Variants in ROBO2 observed in about 807,000 individuals in gnomAD.
ROBO2 encodes roundabout homolog 2.
In ROBO2, 53 loss-of-function variants were observed where a neutral mutation model predicts 160.8. The observed-to-expected ratio is 0.33, with a 90% CI of 0.26 to 0.41. The LOEUF (loss-of-function observed/expected upper bound fraction) is 0.41, where lower values mean the gene tolerates loss of function less well. Ranked by LOEUF, ROBO2 falls within the 10% of genes least tolerant of loss-of-function variation. ROBO2 has a pLI of 1.00. For missense variants in ROBO2, 1,577 were observed against 1,722.4 expected (o/e 0.92, Z 1.49); for synonymous variants, 664 against 611.7 (o/e 1.09, Z -1.26).
intron 2 of ROBO2, among the ~76,000 whole-genome samples, chr3:76,150,785 T>C (rs1055952570): frequency 2.3e-4 from 35 of 152,216 alleles, no homozygotes; most frequent in African/African-American, 8.2e-4. Context: ...CTCATAATCT[T>C]ATTTTTATAC....
At chr3:76,704,615 T>C (rs2608141) in intron 2 of ROBO2, among the ~76,000 whole-genome samples, 59,189 of 151,920 alleles carry the variant, frequency 0.39, 12,209 homozygotes, top group Non-Finnish European at 0.47. Flanking sequence ...TTTACTTCCT[T>C]TCCATGCTTG....
intron 2 of ROBO2, among the ~76,000 whole-genome samples, chr3:75,981,048 A>T (rs1202686269): frequency 6.6e-6 from 1 of 151,550 alleles, no homozygotes; most frequent in Non-Finnish European, 1.5e-5. Flanking sequence ...AACTAGCTCA[A>T]ATATTAACCA....
intron 2 of ROBO2, among the ~76,000 whole-genome samples, chr3:77,226,795 T>A (rs58963696): frequency 6.6e-6 from 1 of 152,070 alleles, no homozygotes; most frequent in Non-Finnish European, 1.5e-5. Context: ...GTGTTAAATA[T>A]CTCATAAAAT....
At chr3:77,531,934 G>A (rs1051935634) in intron 6 of ROBO2, among the ~76,000 whole-genome samples, 17 of 152,078 alleles carry the variant, frequency 1.1e-4, no homozygotes, top group Admixed American at 8.5e-4. Flanking sequence ...TTTATGCAGA[G>A]TCCCATTTAC....
At chr3:76,418,972 TCTTA>T (rs1397285173) in intron 2 of ROBO2, among the ~76,000 whole-genome samples, 10 of 149,266 alleles carry the variant, frequency 6.7e-5, no homozygotes, top group African/African-American at 2.4e-4. Flanking sequence ...ATTAAGAATG[TCTTA>T]CTAAAATACC....
chr3:76,970,679 A>G (rs896993678), intron 2 of ROBO2, among the ~76,000 whole-genome samples: 2 of 152,188 alleles, frequency 1.3e-5, no homozygotes, highest in African/African-American at 4.8e-5. Flanking sequence ...TGAATTCAGT[A>G]TTAGCATTTT....
rs569455172 is a variant in ROBO2 at position 76,407,206 on chromosome 3, T to C, written c.109+469604T>C. 3.2e-3 allele frequency among the ~76,000 whole-genome samples: 492 copies of C among 152,016 alleles called. 1 individual carries two copies. The highest frequency in any genetic ancestry group is 5.4e-3 in the Non-Finnish European group (366 of 67,900). ...TTGATATTCAGGTCTCATTTTACAT[T>C]TTACGTAGAGAGACCTCCCTTTCTC... On this transcript the variant is annotated intron_variant, in intron 2 of 26. Transcript: ENST00000487694.
chr3:76,225,232 A>G (rs933834898), intron 2 of ROBO2, among the ~76,000 whole-genome samples: 18 of 152,294 alleles, frequency 1.2e-4, no homozygotes, highest in East Asian at 3.9e-4. Flanking sequence ...ATTGAATTCA[A>G]ATTTTTCAAT....
At chr3:77,020,143 T>C (rs1185280644) in intron 2 of ROBO2, among the ~76,000 whole-genome samples, 1 of 152,200 alleles carries the variant, frequency 6.6e-6, no homozygotes, top group Non-Finnish European at 1.5e-5. Flanking sequence ...ATTTAATAAA[T>C]GAAAACTGAA....
At chr3:77,366,479 C>T (rs1187657423) in intron 2 of ROBO2, among the ~76,000 whole-genome samples, 3 of 152,070 alleles carry the variant, frequency 2.0e-5, no homozygotes, top group Non-Finnish European at 4.4e-5. Context: ...CCTCTCCAGA[C>T]ACCAAATCTG....
chr3:77,257,174 G>C (rs758021798), intron 2 of ROBO2, among the ~76,000 whole-genome samples: 3 of 152,162 alleles, frequency 2.0e-5, no homozygotes, highest in Non-Finnish European at 2.9e-5. Context: ...GTGATCACCA[G>C]CTTCTGTCTT....
At chr3:77,140,963 A>G (rs759178315) in intron 2 of ROBO2, among the ~76,000 whole-genome samples, 3 of 152,118 alleles carry the variant, frequency 2.0e-5, no homozygotes, top group South Asian at 2.1e-4. Flanking sequence ...ACTGCATTCT[A>G]TGAGTGTCAG....
intron 5 of ROBO2, among the ~76,000 whole-genome samples, chr3:77,505,035 G>T (rs1313738919): frequency 1.3e-5 from 2 of 152,118 alleles, no homozygotes; most frequent in Admixed American, 6.6e-5. Flanking sequence ...ATGGAGGAGT[G>T]GCACTTAAGG....
At chr3:76,424,328 A>G (rs763043733) in intron 2 of ROBO2, among the ~76,000 whole-genome samples, 2 of 152,206 alleles carry the variant, frequency 1.3e-5, no homozygotes, top group Non-Finnish European at 2.9e-5. Flanking sequence ...CAATGTTTAT[A>G]CATCATTTCA....
chr3:76,712,539 G>C (rs910957404), intron 2 of ROBO2, among the ~76,000 whole-genome samples: 4 of 151,988 alleles, frequency 2.6e-5, no homozygotes, highest in African/African-American at 9.7e-5. Context: ...GCTGGGTGTG[G>C]TGGTATGTGC....
At chr3:75,914,838 A>G (rs1472517204) in intron 1 of ROBO2, among the ~76,000 whole-genome samples, 1 of 152,172 alleles carries the variant, frequency 6.6e-6, no homozygotes, top group Non-Finnish European at 1.5e-5. Context: ...CAGCCATGCT[A>G]TTCCTCAGAG....
At chr3:76,372,177 C>T (rs748702865) in intron 2 of ROBO2, among the ~76,000 whole-genome samples, 4 of 151,814 alleles carry the variant, frequency 2.6e-5, no homozygotes, top group Non-Finnish European at 5.9e-5. Flanking sequence ...AATAATGTTT[C>T]CACAACCAGG....
chr3:76,963,260 C>T (rs2079804160), intron 2 of ROBO2, among the ~76,000 whole-genome samples: 1 of 151,902 alleles, frequency 6.6e-6, no homozygotes, highest in Non-Finnish European at 1.5e-5. Context: ...CAATTTTCTT[C>T]ATTTATATAT....
At chr3:76,138,764 C>A (rs1262192755) in intron 2 of ROBO2, among the ~76,000 whole-genome samples, 3 of 152,054 alleles carry the variant, frequency 2.0e-5, no homozygotes, top group Non-Finnish European at 4.4e-5. Context: ...CTCCAAATTT[C>A]CTTTTAATAG....
Sources: allele counts gnomAD v4.1 joint callset (sites outside exome capture counted in the v4.1 genomes callset), GRCh38; gene constraint gnomAD v4.1.1; transcripts MANE v1.5; gene names NCBI Gene and HGNC (gene_info 2026-07-23, HGNC 2026-07-21).